SPATA31C1: variants seen among roughly 807,000 people sequenced by gnomAD.
SPATA31C1 encodes the protein SPATA31 subfamily C member 1, also known as spermatogenesis-associated protein 31C1.
chr9:87,915,461 G>A (rs58270482), intron 1 of SPATA31C1, among the ~76,000 whole-genome samples: 56,579 of 142,822 alleles, frequency 0.4, 13,817 homozygotes, highest in Middle Eastern at 0.46. Context: ...CCGCCACCAC[G>A]CCTGGCTAAT....
exon 5 of SPATA31C1, chr9:87,920,669 A>G (rs765089151): frequency 2.2e-5 from 35 of 1,613,764 alleles, no homozygotes; most frequent in African/African-American, 2.7e-5. Flanking sequence ...ACTGTGACTC[A>G]GTGGCACTTC....
intron 4 of SPATA31C1, 49 bp downstream of exon 3, chr9:87,920,025 G>A (rs1828809399): frequency 3.7e-6 from 6 of 1,608,478 alleles, no homozygotes; most frequent in Non-Finnish European, 5.1e-6. Context: ...GCTGGGACGT[G>A]ACCCCAGGGC....
chr9:87,916,922 A>G (rs1383870806), intron 1 of SPATA31C1, among the ~76,000 whole-genome samples: 23 of 56,800 alleles, frequency 4.0e-4, no homozygotes, highest in African/African-American at 1.8e-3. Flanking sequence ...GCATGAACCC[A>G]GGACGCACAG....
exon 5 of SPATA31C1, chr9:87,920,900 C>T (rs1564139822): frequency 6.2e-7 from 1 of 1,613,302 alleles, no homozygotes. Flanking sequence ...AGGCCCAGCC[C>T]CTGTCCCATC....
intron 4 of SPATA31C1, 125 bp from the exon 4 acceptor site, chr9:87,920,127 G>T (rs1828812554): frequency 6.3e-7 from 1 of 1,599,218 alleles, no homozygotes; most frequent in Admixed American, 1.7e-5. Flanking sequence ...AGGAGAATTG[G>T]GTGGTCAGGG....
exon 5 of SPATA31C1, chr9:87,921,148 G>C: frequency 6.2e-7 from 1 of 1,611,856 alleles, no homozygotes; most frequent in Non-Finnish European, 8.5e-7. Context: ...CAACTAGAAG[G>C]TGGGTTGGCT....
chr9:87,922,001 C>T, exon 5 of SPATA31C1: 4 of 1,613,706 alleles, frequency 2.5e-6, no homozygotes, highest in Non-Finnish European at 3.4e-6. Flanking sequence ...CCTCAGACAC[C>T]TGCGAATCTG....
chr9:87,915,427 T>C (rs1828694141), intron 1 of SPATA31C1, among the ~76,000 whole-genome samples: 2 of 144,536 alleles, frequency 1.4e-5, no homozygotes. Context: ...CTTAGCGTAC[T>C]GAGTAGCTGG....
At chr9:87,920,631 C>G in exon 5 of SPATA31C1, 2 of 1,613,842 alleles carry the variant, frequency 1.2e-6, no homozygotes, top group South Asian at 1.1e-5. Context: ...TCCTCCCCTG[C>G]GGGACTCCAC....
exon 5 of SPATA31C1, chr9:87,920,546 T>C: frequency 6.2e-7 from 1 of 1,613,696 alleles, no homozygotes; most frequent in Non-Finnish European, 8.5e-7. Flanking sequence ...CCGAGCCACC[T>C]GCACTTTTCC....
At chr9:87,920,145 T>C (rs1173776557) in intron 4 of SPATA31C1, 107 bp from the exon 4 acceptor site, 6 of 1,600,450 alleles carry the variant, frequency 3.7e-6, no homozygotes, top group Non-Finnish European at 5.1e-6. Flanking sequence ...GGGTGTGGCG[T>C]GGTGGAGAGG....
rs538426341 is a variant in SPATA31C1, at chr9:87,920,409, G to A, written n.799G>A. On this transcript the variant is annotated non_coding_transcript_exon_variant, in exon 5 of 5. Transcript: ENST00000420021. ...CATTGTCTCCCCGTTAGCTTCCCCG[G>A]ATCCTCGAACCAAGCATCCTCAGGA... The A allele has an allele frequency of 6.4e-5, 103 of 1,613,946 alleles. 1 individual carries two copies. The South Asian group carries it at 1.1e-3, about 18-fold the overall frequency.
chr9:87,921,756 A>G, exon 5 of SPATA31C1: 1 of 1,612,038 alleles, frequency 6.2e-7, no homozygotes, highest in Non-Finnish European at 8.5e-7. Context: ...TCCCGTATCC[A>G]ACACCCACGT....
chr9:87,920,737 C>T, exon 5 of SPATA31C1: 5 of 1,614,006 alleles, frequency 3.1e-6, no homozygotes, highest in Non-Finnish European at 4.2e-6. Flanking sequence ...GCTTCTGTCC[C>T]AGCCATCTCA....
At chr9:87,919,495 G>C in intron 3 of SPATA31C1, 147 bp downstream of exon 2, 1 of 1,291,330 alleles carries the variant, frequency 7.7e-7, no homozygotes. Context: ...ATTCTGTGCC[G>C]CCGGAATGAA....
exon 5 of SPATA31C1, chr9:87,920,995 T>C (rs769478761): frequency 6.2e-6 from 10 of 1,612,742 alleles, no homozygotes; most frequent in Non-Finnish European, 7.6e-6. Context: ...CAGGCCCATC[T>C]TCAATCCTCT....
chr9:87,921,772 C>T (rs773433230), exon 5 of SPATA31C1: 2 of 1,612,042 alleles, frequency 1.2e-6, no homozygotes, highest in Non-Finnish European at 8.5e-7. Context: ...CACGTGAAAA[C>T]CAGCAATCTA....
At chr9:87,920,855 C>A in exon 5 of SPATA31C1, 1 of 1,613,600 alleles carries the variant, frequency 6.2e-7, no homozygotes, top group Non-Finnish European at 8.5e-7. Context: ...ATCTTTCCCG[C>A]CAAAGGGACA....
chr9:87,919,420 G>C lies in SPATA31C1; in HGVS notation n.580+72G>C, dbSNP rs1426987333. 8 of 1,583,108 alleles carry C rather than the reference G, an allele frequency of 5.1e-6. No homozygotes were observed. The African/African-American group carries it at 8.5e-5, about 17-fold the overall frequency. ...CCGGGAGGGAACTGACTCTGAAGAA[G>C]TCAGTTGAAAAAACCTGAGGTGGGG... On this transcript the variant is annotated intron_variant and non_coding_transcript_variant, in intron 3 of 4. Transcript: ENST00000420021.
Sources: allele counts gnomAD v4.1 joint callset (sites outside exome capture counted in the v4.1 genomes callset), GRCh38; gene constraint gnomAD v4.1.1; transcripts MANE v1.5; gene names NCBI Gene and HGNC (gene_info 2026-07-23, HGNC 2026-07-21).